The following PLA2G4E variants were observed in gnomAD, a reference collection of about 807,000 sequenced individuals.
PLA2G4E encodes phospholipase A2 group IVE, also known as cytosolic phospholipase A2 epsilon.
PLA2G4E carries 84 observed loss-of-function variants against 109.1 expected under a neutral mutation model. The observed-to-expected ratio is 0.77, with a 90% CI of 0.65 to 0.92. PLA2G4E has a LOEUF of 0.92. Among genes scored for constraint, PLA2G4E ranks in the 40% least tolerant of loss-of-function variants. PLA2G4E has a pLI of 0.00. For synonymous variants in PLA2G4E, 469 were observed against 436.1 expected (o/e 1.08, Z -0.94); for missense variants, 1,057 against 1,076.6 (o/e 0.98, Z 0.25).
At chr15:42,005,652 G>C (rs2068468051) in intron 4 of PLA2G4E, among the ~76,000 whole-genome samples, 1 of 152,252 alleles carries the variant, frequency 6.6e-6, no homozygotes, top group Non-Finnish European at 1.5e-5. Flanking sequence ...TCTGAGGGAA[G>C]AAAAGGAGGG....
At chr15:42,041,906 A>G (rs1005104839) in intron 1 of PLA2G4E, among the ~76,000 whole-genome samples, 3 of 152,130 alleles carry the variant, frequency 2.0e-5, no homozygotes, top group African/African-American at 7.2e-5. Context: ...GGCTTTTGTA[A>G]AGTTTCAAGT....
At chr15:41,986,148 T>G in intron 17 of PLA2G4E, 143 bp from the exon 18 acceptor site, 1 of 775,902 alleles carries the variant, frequency 1.3e-6, no homozygotes, top group Non-Finnish European at 2.1e-6. Flanking sequence ...CAGTGCCCTC[T>G]GGGTGGCTGA....
chr15:41,989,394 C>T (rs779454209), intron 15 of PLA2G4E, 21 bp downstream of exon 15: 49 of 1,613,466 alleles, frequency 3.0e-5, no homozygotes, highest in East Asian at 2.2e-4. Flanking sequence ...CCTGTCATTC[C>T]GCCAGTTGCA....
At chr15:41,984,567 T>C in exon 19 of PLA2G4E, 1 of 1,613,924 alleles carries the variant, frequency 6.2e-7, no homozygotes, top group Non-Finnish European at 8.5e-7. Context: ...CAGCTCGTAT[T>C]TGGGGAAGGG....
intron 1 of PLA2G4E, among the ~76,000 whole-genome samples, chr15:42,016,863 C>T (rs1308392228): frequency 6.6e-6 from 1 of 152,228 alleles, no homozygotes; most frequent in African/African-American, 2.4e-5. Context: ...CTGTTGGGAG[C>T]CGGAGACTTG....
At chr15:42,031,315 G>A (rs139547294) in intron 1 of PLA2G4E, among the ~76,000 whole-genome samples, 7 of 152,308 alleles carry the variant, frequency 4.6e-5, no homozygotes, top group African/African-American at 1.7e-4. Context: ...TAAAGCTGCT[G>A]TAAACATTTG....
chr15:42,037,961 C>A (rs1267900944), intron 1 of PLA2G4E, among the ~76,000 whole-genome samples: 8 of 152,202 alleles, frequency 5.3e-5, no homozygotes, highest in Non-Finnish European at 8.8e-5. Context: ...TGCAGCCTGC[C>A]AGGCTGAGTG....
At chr15:42,026,153 A>G (rs936190610) in intron 1 of PLA2G4E, among the ~76,000 whole-genome samples, 1 of 152,206 alleles carries the variant, frequency 6.6e-6, no homozygotes, top group Non-Finnish European at 1.5e-5. Context: ...TTTAAAAAAA[A>G]AGATATAGAG....
chr15:42,016,450 T>TCCTCA (rs2068596347), intron 1 of PLA2G4E, among the ~76,000 whole-genome samples: 1 of 151,968 alleles, frequency 6.6e-6, no homozygotes, highest in African/African-American at 2.4e-5. Flanking sequence ...CAATTCTCCC[T>TCCTCA]CCTCAGTCTC....
intron 1 of PLA2G4E, chr15:42,050,508 AAC>A: frequency 6.5e-7 from 1 of 1,547,768 alleles, no homozygotes; most frequent in Non-Finnish European, 8.7e-7. Flanking sequence ...CCCTCCCAGG[AAC>A]ACAGACATAC....
chr15:42,025,063 G>A (rs60529626), intron 1 of PLA2G4E, among the ~76,000 whole-genome samples: 2,290 of 152,026 alleles, frequency 0.015, 61 homozygotes, highest in African/African-American at 0.052. Context: ...GGGCATGGTC[G>A]CGGGCACCTG....
exon 20 of PLA2G4E, chr15:41,982,765 T>C (rs1281340725): frequency 6.6e-6 from 1 of 152,236 alleles, no homozygotes; most frequent in Non-Finnish European, 1.5e-5. Flanking sequence ...TGGCATTTGT[T>C]TGGAGCTGGA....
At chr15:42,009,236 C>G (rs954806407) in intron 2 of PLA2G4E, 21 of 152,242 alleles carry the variant, frequency 1.4e-4, no homozygotes, top group Admixed American at 1.1e-3. Flanking sequence ...CTTCTATGCT[C>G]AACCTGCTCT....
chr15:42,045,179 G>T (rs986174874), intron 1 of PLA2G4E, among the ~76,000 whole-genome samples: 1 of 152,182 alleles, frequency 6.6e-6, no homozygotes, highest in East Asian at 1.9e-4. Context: ...TAGGGGCAAG[G>T]TTTGGAAAGG....
intron 17 of PLA2G4E, chr15:41,986,934 G>A: frequency 1.8e-6 from 1 of 564,636 alleles, no homozygotes; most frequent in Non-Finnish European, 3.2e-6. Context: ...TACAGATTCT[G>A]TATAGAATGA....
At chr15:42,003,879 CTTCCTTTCCTTCCTTTCCTTG>C in intron 5 of PLA2G4E, among the ~76,000 whole-genome samples, 1 of 139,540 alleles carries the variant, frequency 7.2e-6, no homozygotes, top group Non-Finnish European at 1.6e-5. Flanking sequence ...TTCTTTCTTT[CTTCCTTTCCTTCCTTTCCTTG>C]CTTTCCTTCC....
At chr15:41,990,744 C>CTT (rs1228531708) in intron 13 of PLA2G4E, among the ~76,000 whole-genome samples, 18 of 42,812 alleles carry the variant, frequency 4.2e-4, no homozygotes, top group Non-Finnish European at 9.5e-4. Flanking sequence ...CTCTTCCCTT[C>CTT]TTTTTTTTTT....
At chr15:42,023,724 A>G (rs1422593523) in intron 1 of PLA2G4E, among the ~76,000 whole-genome samples, 4 of 150,128 alleles carry the variant, frequency 2.7e-5, no homozygotes, top group Non-Finnish European at 5.9e-5. Context: ...ACACCAGGGC[A>G]TTCCTCAAGG....
chr15:41,992,199 C>A (rs1243678050), intron 13 of PLA2G4E, among the ~76,000 whole-genome samples: 1 of 152,182 alleles, frequency 6.6e-6, no homozygotes, highest in Non-Finnish European at 1.5e-5. Flanking sequence ...GCTCTGAAAT[C>A]CACAGCTGAG....
Sources: gnomAD v4.1 joint callset for allele counts (sites outside exome capture counted in the v4.1 genomes callset) on GRCh38, gnomAD v4.1.1 for gene constraint, MANE v1.5 for transcripts, NCBI Gene and HGNC (gene_info 2026-07-23, HGNC 2026-07-21) for gene names.